COL4A1: variants seen among roughly 807,000 people sequenced by gnomAD.
COL4A1 encodes the protein collagen alpha-1(IV) chain.
COL4A1 carries 40 observed loss-of-function variants against 216.6 expected under a neutral mutation model. That is an observed-to-expected ratio of 0.18 (90% CI 0.14 to 0.24). COL4A1 has a LOEUF of 0.24. COL4A1 is among the 10% of genes least tolerant of loss of function. The probability of loss-of-function intolerance (pLI) is 1.00; values close to 1 mark genes in which losing one functional copy is unlikely to be tolerated. For synonymous variants in COL4A1, 839 were observed against 810.7 expected (o/e 1.03, Z -0.59); for missense variants, 1,628 against 2,196.8 (o/e 0.74, Z 5.18).
chr13:110,300,029 ATT>A (rs1456833770), intron 1 of COL4A1, among the ~76,000 whole-genome samples: 1 of 152,226 alleles, frequency 6.6e-6, no homozygotes, highest in Non-Finnish European at 1.5e-5. Context: ...CTGAAAATAA[ATT>A]TTGATTGTTT....
Position 110,302,372 on chromosome 13 carries a change from T to C in COL4A1, c.84+4572A>G, listed in dbSNP as rs189484987. On this transcript the variant is annotated intron_variant, in intron 1 of 51. Coordinates refer to ENST00000375820, the MANE Select transcript of COL4A1 (RefSeq NM_001845.6). ...GCGTCGCGTGGAAATGTGAAGACGT[T>C]GAACTGGAGTTCAAGAAGGAGTTCT... Among the ~76,000 whole-genome samples the C allele has an allele frequency of 9.8e-5, 15 of 152,286 alleles. No individual in the cohort carries two copies. In the East Asian group the frequency reaches 2.9e-3, roughly 29 times the overall value.
In COL4A1 at chr13:110,173,883, G is replaced by A; in HGVS notation, c.3505+17C>T. 6.2e-7 allele frequency: 1 copy of A among 1,613,866 alleles called. No homozygotes were observed. ...GACACTGCTGATTCTGATAGGGAATGGGGCGTTGGGCCATACCTGGTTCAC... is the reference window on the plus strand; with the variant it reads ...GACACTGCTGATTCTGATAGGGAATAGGGCGTTGGGCCATACCTGGTTCAC... On this transcript the variant is annotated intron_variant, in intron 40 of 51. Coordinates refer to ENST00000375820, the MANE Select transcript of COL4A1 (RefSeq NM_001845.6).
rs763787871 is a variant in COL4A1 at position 110,210,236 on chromosome 13, G to T, written c.469-24C>A. On this transcript the variant is annotated intron_variant, in intron 8 of 51. Transcript: ENST00000375820. Reference sequence around the variant, plus strand: ...CCCTAGAGGATGAAGAAAGAAAATAGAAAGTTGCAAATATCGACATTCATG... The same window carrying T: ...CCCTAGAGGATGAAGAAAGAAAATATAAAGTTGCAAATATCGACATTCATG... 57 of 1,608,370 alleles carry T rather than the reference G, an allele frequency of 3.5e-5. 1 individual carries two copies. In the Admixed American group the frequency reaches 9.5e-4, roughly 27 times the overall value.
intron 2 of COL4A1, among the ~76,000 whole-genome samples, chr13:110,235,938 T>C (rs184439619): frequency 1.1e-4 from 16 of 152,292 alleles, no homozygotes; most frequent in Admixed American, 9.2e-4. Flanking sequence ...TATTTATAAA[T>C]TGAAGATTAT....
intron 2 of COL4A1, among the ~76,000 whole-genome samples, chr13:110,219,816 ATG>A (rs1232077645): frequency 7.5e-6 from 1 of 133,286 alleles, no homozygotes; most frequent in Non-Finnish European, 1.6e-5. Context: ...ATGTGTATAT[ATG>A]TATATATATG....
rs536039566 is a variant in COL4A1, at chr13:110,268,824, C to T, written c.85-26090G>A. Among the ~76,000 whole-genome samples, 243 of 152,342 alleles carry T rather than the reference C, an allele frequency of 1.6e-3. No homozygotes were observed. Among genetic ancestry groups the T allele is most frequent in the Non-Finnish European group, 2.5e-3 (173 of 68,038 alleles). On this transcript the variant is annotated intron_variant, in intron 1 of 51. Transcript: ENST00000375820. This position sits in a 1 kb window ranked among gnomAD's most constrained non-coding sequence, Gnocchi z 4.1. ...CTGACTCTGTCATCCGCCCATCTTCCAGCCGAGGGCAGGTGAGACACAAGG... is the reference window on the plus strand; with the variant it reads ...CTGACTCTGTCATCCGCCCATCTTCTAGCCGAGGGCAGGTGAGACACAAGG...
chr13:110,187,158 G>A lies in COL4A1; in HGVS notation c.1708C>T (p.Pro570Ser). The A allele has an allele frequency of 6.2e-7, 1 of 1,614,006 alleles. No individual in the cohort carries two copies. The highest frequency in any genetic ancestry group is 8.5e-7 in the Non-Finnish European group (1 of 1,179,910). ...CATACCGGCGAGCCCTTGGGGCCAG[G>A]AAGACCCGGATGGCCATCTCTTCCA... Reference protein sequence around the residue: ...SPGRDGHPGLPGPKGSPGSVG... With the variant: ...SPGRDGHPGLSGPKGSPGSVG... Residue 570 changes from proline (P) to serine (S), a missense_variant, in exon 25 of 52, where the codon CCT (proline) becomes TCT (serine). Transcript: ENST00000375820.
intron 31 of COL4A1, among the ~76,000 whole-genome samples, chr13:110,178,611 C>T (rs1038270417): frequency 3.9e-5 from 6 of 152,068 alleles, no homozygotes; most frequent in Admixed American, 6.5e-5. Context: ...TGAAATTATC[C>T]ACCACTAATT....
chr13:110,191,542 G>C (rs1878626649), intron 24 of COL4A1: 2 of 585,406 alleles, frequency 3.4e-6, no homozygotes, highest in East Asian at 5.8e-5. Context: ...CTATTTAGTG[G>C]ATTCTTTTAA....
intron 1 of COL4A1, among the ~76,000 whole-genome samples, chr13:110,245,880 A>T (rs981586209): frequency 1.1e-4 from 17 of 152,272 alleles, no homozygotes; most frequent in African/African-American, 3.9e-4. Context: ...CACTGGGGAA[A>T]ATCAGAGATG....
chr13:110,246,259 T>G (rs1371472807), intron 1 of COL4A1, among the ~76,000 whole-genome samples: 1 of 152,100 alleles, frequency 6.6e-6, no homozygotes, highest in Admixed American at 6.5e-5. Flanking sequence ...ACTATTCTGG[T>G]CCTTTCTGTC....
At position 110,291,057 on chromosome 13, in the gene COL4A1, G is replaced by T. The variant is rs368200997; in HGVS notation, c.84+15887C>A. ...CCTGACCTGAATCACGTGCACAGACGTGAGTGTCCTGCCCGCCCCTCTCCT... is the reference window on the plus strand; with the variant it reads ...CCTGACCTGAATCACGTGCACAGACTTGAGTGTCCTGCCCGCCCCTCTCCT... On this transcript the variant is annotated intron_variant, in intron 1 of 51. Transcript: ENST00000375820. Among the ~76,000 whole-genome samples the T allele has an allele frequency of 3.0e-4, 45 of 152,350 alleles. No individual in the cohort carries two copies. The East Asian group carries it at 7.4e-3, about 25-fold the overall frequency.
At chr13:110,251,013 C>A (rs1219302124) in intron 1 of COL4A1, among the ~76,000 whole-genome samples, 1 of 152,244 alleles carries the variant, frequency 6.6e-6, no homozygotes, top group African/African-American at 2.4e-5. Flanking sequence ...CAGCCCTGCT[C>A]CCATCCTTTG....
intron 30 of COL4A1, 60 bp from the exon 31 acceptor site, chr13:110,179,096 G>A (rs538168335): frequency 1.9e-6 from 3 of 1,561,844 alleles, no homozygotes; most frequent in Admixed American, 1.7e-5. Context: ...CCCGGCCTAG[G>A]AGACCCATGC....
At chr13:110,177,955 G>C (rs762209818) in intron 32 of COL4A1, 24 bp from the exon 33 acceptor site, 1 of 1,614,044 alleles carries the variant, frequency 6.2e-7, no homozygotes, top group Admixed American at 1.7e-5. Context: ...AAAGGACTGT[G>C]AACATTTTCT....
intron 20 of COL4A1, among the ~76,000 whole-genome samples, 158 bp downstream of exon 20, chr13:110,200,696 G>A (rs535808781): frequency 6.6e-6 from 1 of 152,164 alleles, no homozygotes; most frequent in African/African-American, 2.4e-5. Context: ...TTATCTACAA[G>A]CACTTGTCTA....
intron 1 of COL4A1, among the ~76,000 whole-genome samples, chr13:110,248,014 C>A (rs1398182918): frequency 6.6e-6 from 1 of 152,112 alleles, no homozygotes; most frequent in Non-Finnish European, 1.5e-5. Context: ...GCAGCTTTCA[C>A]AATTTTTATG....
chr13:110,255,180 G>A (rs1375268537), intron 1 of COL4A1, among the ~76,000 whole-genome samples: 1 of 152,228 alleles, frequency 6.6e-6, no homozygotes, highest in Admixed American at 6.5e-5. Context: ...TGGTGGGGCA[G>A]CTGCCTGTGC....
In COL4A1 at chr13:110,207,117, C is replaced by A. The variant is rs541055731; in HGVS notation, c.781-226G>T. The stretch of plus-strand genomic sequence containing the variant: ...ACTGGCCCTGCCCCCCTCCTGCCCC[C>A]CAGCCCAGCTCCCTCCTCCTGACCA... On this transcript the variant is annotated intron_variant, in intron 13 of 51. Transcript: ENST00000375820. This position sits in a 1 kb window ranked among gnomAD's most constrained non-coding sequence, Gnocchi z 4.4. 1.3e-5 allele frequency among the ~76,000 whole-genome samples: 2 copies of A among 152,052 alleles called. No individual in the cohort carries two copies. The highest frequency in any genetic ancestry group is 3.9e-4 in the East Asian group (2 of 5,174).
Sources: allele counts gnomAD v4.1 joint callset (sites outside exome capture counted in the v4.1 genomes callset), GRCh38; gene constraint gnomAD v4.1.1; non-coding constraint Gnocchi (gnomAD v3.1); transcripts MANE v1.5; gene names NCBI Gene and HGNC (gene_info 2026-07-23, HGNC 2026-07-21).